Variants in ELAVL2 observed in about 807,000 individuals in gnomAD.
The protein encoded by ELAVL2 is ELAV-like protein 2.
ELAVL2 carries 4 observed loss-of-function variants against 34.6 expected under a neutral mutation model. The ratio of observed to expected loss-of-function variants is 0.12; its 90% confidence interval spans 0.06 to 0.26. ELAVL2 has a LOEUF of 0.26. ELAVL2 is among the 10% of genes least tolerant of loss of function. The probability of loss-of-function intolerance (pLI) is 1.00; values close to 1 mark genes in which losing one functional copy is unlikely to be tolerated. For missense variants in ELAVL2, 432 were observed against 442.8 expected, an observed-to-expected ratio of 0.98 and a Z score of 0.22; for synonymous variants, 193 against 154.8, an observed-to-expected ratio of 1.25 and a Z score of -1.83.
At chr9:23,701,256 G>T in intron 5 of ELAVL2, 123 bp downstream of exon 5, 2 of 1,018,304 alleles carry the variant, frequency 2.0e-6, no homozygotes, top group Non-Finnish European at 2.9e-6. Flanking sequence ...AAAATTAATA[G>T]TAATAAAACC....
chr9:23,718,083 T>C lies in ELAVL2; in HGVS notation c.333+12939A>G, dbSNP rs898114287. 2.6e-5 allele frequency among the ~76,000 whole-genome samples: 4 copies of C among 152,314 alleles called. No individual in the cohort carries two copies. The East Asian group carries it at 5.8e-4, about 22-fold the overall frequency. On this transcript the variant is annotated intron_variant, in intron 3 of 6. Coordinates refer to ENST00000397312, the MANE Select transcript of ELAVL2 (RefSeq NM_004432.5). ...GGAGACAGGCCTATTAGTCTTGTTA[T>C]GGTTCCATATAATATAATAAAGCCC...
chr9:23,765,448 G>C (rs2056026076), intron 1 of ELAVL2, among the ~76,000 whole-genome samples: 1 of 152,134 alleles, frequency 6.6e-6, no homozygotes, highest in Admixed American at 6.5e-5. Context: ...AAGGATGTGG[G>C]AGAAGGGAGG....
intron 1 of ELAVL2, among the ~76,000 whole-genome samples, chr9:23,816,820 T>C (rs2063782134): frequency 6.6e-6 from 1 of 152,154 alleles, no homozygotes; most frequent in African/African-American, 2.4e-5. Context: ...AACTATAACA[T>C]AAATGTTCTG....
At chr9:23,711,738 T>C (rs983945362) in intron 3 of ELAVL2, among the ~76,000 whole-genome samples, 11 of 152,184 alleles carry the variant, frequency 7.2e-5, no homozygotes, top group African/African-American at 2.4e-4. Context: ...AATGTACTTA[T>C]CTCTTAACCC....
Position 23,769,380 on chromosome 9 carries a change from T to C in ELAVL2, c.-15-7131A>G, listed in dbSNP as rs116676093. On this transcript the variant is annotated intron_variant, in intron 1 of 6. Coordinates refer to ENST00000397312, the MANE Select transcript of ELAVL2 (RefSeq NM_004432.5). ...ATCTGCCCGACACACACCATTCCTA[T>C]AGCAAATGCTTTATCTTTCCCATTC... Among the ~76,000 whole-genome samples the C allele has an allele frequency of 7.1e-3, 1,085 of 152,300 alleles. 15 individuals are homozygous for C. Among genetic ancestry groups the C allele is most frequent in the African/African-American group, 0.025 (1,035 of 41,560 alleles).
intron 1 of ELAVL2, among the ~76,000 whole-genome samples, chr9:23,771,563 C>G (rs572688584): frequency 7.2e-5 from 11 of 152,078 alleles, no homozygotes; most frequent in Admixed American, 1.3e-4. Context: ...AATCCACTGC[C>G]AGCTTCTTAA....
At chr9:23,796,335 A>C (rs2060922194) in intron 1 of ELAVL2, among the ~76,000 whole-genome samples, 1 of 152,236 alleles carries the variant, frequency 6.6e-6, no homozygotes, top group African/African-American at 2.4e-5. Flanking sequence ...CCATTTAAAA[A>C]GCCTCTTCCT....
chr9:23,747,409 G>A (rs547787865), intron 2 of ELAVL2, among the ~76,000 whole-genome samples: 1 of 152,258 alleles, frequency 6.6e-6, no homozygotes, highest in South Asian at 2.1e-4. Flanking sequence ...CGAAACTGTT[G>A]ATAATGGGAG....
intron 2 of ELAVL2, among the ~76,000 whole-genome samples, chr9:23,754,810 G>C (rs914054497): frequency 6.6e-6 from 1 of 152,142 alleles, no homozygotes; most frequent in African/African-American, 2.4e-5. Flanking sequence ...GTCAACAGAT[G>C]CAAGATGAGT....
At chr9:23,824,850 G>A (rs1372022023) in intron 1 of ELAVL2, among the ~76,000 whole-genome samples, 1 of 152,166 alleles carries the variant, frequency 6.6e-6, no homozygotes, top group African/African-American at 2.4e-5. Context: ...AAGTGGGGGC[G>A]GTAAGGAGGG....
chr9:23,699,598 C>T (rs2036439957), intron 5 of ELAVL2, among the ~76,000 whole-genome samples: 1 of 152,052 alleles, frequency 6.6e-6, no homozygotes, highest in South Asian at 2.1e-4. Context: ...TGTAAAATTC[C>T]TTCAGGCTTG....
chr9:23,824,003 T>C (rs1268384164), intron 1 of ELAVL2, among the ~76,000 whole-genome samples: 1 of 152,102 alleles, frequency 6.6e-6, no homozygotes, highest in Non-Finnish European at 1.5e-5. Flanking sequence ...GGAGTGTTTG[T>C]ACATGAGAGG....
intron 1 of ELAVL2, among the ~76,000 whole-genome samples, chr9:23,792,640 CT>C (rs1378568249): frequency 6.6e-6 from 1 of 152,176 alleles, no homozygotes; most frequent in African/African-American, 2.4e-5. Context: ...ATTTAAGGGC[CT>C]TTTTAACTTT....
intron 1 of ELAVL2, among the ~76,000 whole-genome samples, chr9:23,804,431 C>G (rs2061961727): frequency 1.3e-5 from 2 of 152,122 alleles, no homozygotes; most frequent in Non-Finnish European, 2.9e-5. Flanking sequence ...TGAATGCTCT[C>G]TGAACCTTGC....
the ELAVL2 span, among the ~76,000 whole-genome samples, chr9:23,835,525 T>C: frequency 6.6e-6 from 1 of 152,110 alleles, no homozygotes; most frequent in Non-Finnish European, 1.5e-5. Context: ...GCTTGAAAAA[T>C]CTATCAAAAT....
chr9:23,782,475 G>A (rs1040580268), intron 1 of ELAVL2, among the ~76,000 whole-genome samples: 14 of 152,194 alleles, frequency 9.2e-5, no homozygotes, highest in South Asian at 2.1e-4. Context: ...AGGAGGCTGA[G>A]GCAGGAGAAT....
chr9:23,821,429 G>A (rs1260598798), intron 1 of ELAVL2: 3 of 152,120 alleles, frequency 2.0e-5, no homozygotes, highest in Non-Finnish European at 4.4e-5. Context: ...TAGGAACTTC[G>A]CGGGCACAAC....
At position 23,765,677 on chromosome 9, in the gene ELAVL2, C is replaced by T. The variant is rs35327188; in HGVS notation, c.-15-3428G>A. On this transcript the variant is annotated intron_variant, in intron 1 of 6. Transcript: ENST00000397312. ...AGGTTATTTTGCCACTACAGTCAAA[C>T]GGTTTCTAACAGTTTCAATGAGAAT... Among the ~76,000 whole-genome samples the T allele has an allele frequency of 5.3e-5, 8 of 152,068 alleles. 1 individual carries two copies. The highest frequency in any genetic ancestry group is 1.2e-4 in the African/African-American group (5 of 41,412).
intron 1 of ELAVL2, among the ~76,000 whole-genome samples, chr9:23,776,563 G>A (rs182523574): frequency 3.3e-5 from 5 of 152,092 alleles, no homozygotes; most frequent in African/African-American, 7.2e-5. Flanking sequence ...CTCAGATGCT[G>A]GGAAAACAAA....
Sources: allele counts gnomAD v4.1 joint callset (sites outside exome capture counted in the v4.1 genomes callset), GRCh38; gene constraint gnomAD v4.1.1; transcripts MANE v1.5; gene names NCBI Gene and HGNC (gene_info 2026-07-23, HGNC 2026-07-21).